Variants in TMEM126B observed in about 807,000 individuals in gnomAD.
The protein encoded by TMEM126B is complex I assembly factor TMEM126B, mitochondrial.
In TMEM126B, 19 loss-of-function variants were observed where a neutral mutation model predicts 16.5. That is an observed-to-expected ratio of 1.15 (90% CI 0.80 to 1.69). The LOEUF (loss-of-function observed/expected upper bound fraction) is 1.69. Among genes scored for constraint, TMEM126B ranks in the 40% most tolerant of loss-of-function variants. The pLI is 0.00. For missense variants in TMEM126B, 293 were observed against 278.7 expected (o/e 1.05, Z -0.37); for synonymous variants, 104 against 93.2 (o/e 1.12, Z -0.67).
chr11:85,633,381 G>C (rs1346204525), intron 2 of TMEM126B, among the ~76,000 whole-genome samples: 1 of 152,194 alleles, frequency 6.6e-6, no homozygotes, highest in Non-Finnish European at 1.5e-5. Context: ...TCGTGACACT[G>C]ACTTCCACAA....
chr11:85,633,138 T>A (rs1273836168), intron 2 of TMEM126B, among the ~76,000 whole-genome samples: 1 of 152,232 alleles, frequency 6.6e-6, no homozygotes, highest in East Asian at 1.9e-4. Context: ...GAACTCATCA[T>A]TTTTTATGGC....
intron 4 of TMEM126B, 118 bp downstream of exon 4, chr11:85,635,896 T>G: frequency 2.8e-6 from 3 of 1,059,980 alleles, no homozygotes; most frequent in Non-Finnish European, 4.0e-6. Flanking sequence ...AATCAAAATG[T>G]GGTAGTTTGG....
chr11:85,633,019 T>A (rs2082332192), intron 2 of TMEM126B, among the ~76,000 whole-genome samples: 1 of 152,204 alleles, frequency 6.6e-6, no homozygotes, highest in Non-Finnish European at 1.5e-5. Context: ...GTTCTCATTG[T>A]TCATTTCCCA....
intron 1 of TMEM126B, chr11:85,629,272 A>T (rs1179564129): frequency 1.6e-6 from 2 of 1,280,908 alleles, no homozygotes; most frequent in Admixed American, 2.3e-5. Context: ...GGTGAAATTT[A>T]TTATTAGGTG....
At chr11:85,635,571 G>A (rs1405868891) in intron 3 of TMEM126B, 96 bp from the exon 4 acceptor site, 6 of 757,064 alleles carry the variant, frequency 7.9e-6, no homozygotes, top group African/African-American at 1.8e-5. Flanking sequence ...TTTAGTTGTG[G>A]TTGAGGATAG....
chr11:85,631,406 C>CAA (rs915918759), intron 1 of TMEM126B: 2 of 987,890 alleles, frequency 2.0e-6, no homozygotes, highest in Non-Finnish European at 2.6e-6. Context: ...ATTATACTAC[C>CAA]AATTTCTCAA....
At position 85,628,636 on chromosome 11, in the gene TMEM126B, C is replaced by T. The variant is rs1033838730; in HGVS notation, c.29C>T (p.Thr10Ile). The change falls in exon 1 of 5, where the codon ACT becomes ATT. Residue 10 changes from threonine to isoleucine, a missense_variant. Coordinates refer to ENST00000358867, the MANE Select transcript of TMEM126B (RefSeq NM_018480.7). MVVFGYEAGTKPRDSGVVPV... is the reference protein window; with the variant it reads MVVFGYEAGIKPRDSGVVPV... The stretch of plus-strand genomic sequence containing the variant: ...GTGGTGTTCGGGTATGAGGCTGGGA[C>T]TAAGCCAAGGGATTCAGGTGTGGTG... 2.6e-6 allele frequency: 4 copies of T among 1,536,166 alleles called. No individual in the cohort carries two copies. Among genetic ancestry groups the T allele is most frequent in the African/African-American group, 1.4e-5 (1 of 73,182 alleles).
chr11:85,630,624 T>G (rs759337460), intron 1 of TMEM126B, among the ~76,000 whole-genome samples: 2 of 152,206 alleles, frequency 1.3e-5, no homozygotes, highest in African/African-American at 2.4e-5. Context: ...TTTGTTTTTT[T>G]GTTGTTGTTG....
At chr11:85,631,298 G>A in intron 1 of TMEM126B, 2 of 1,255,038 alleles carry the variant, frequency 1.6e-6, no homozygotes, top group Non-Finnish European at 2.1e-6. Flanking sequence ...GAGGAGAGAG[G>A]AAAACAGCAA....
intron 1 of TMEM126B, chr11:85,631,253 G>T: frequency 1.6e-6 from 2 of 1,286,544 alleles, no homozygotes; most frequent in Non-Finnish European, 2.0e-6. Context: ...GAGCTAGGAG[G>T]ACAACTACAA....
chr11:85,636,215 A>T lies in TMEM126B; in HGVS notation c.679A>T (p.Ile227Leu), dbSNP rs1565794812. 5.2e-6 allele frequency: 8 copies of T among 1,531,446 alleles called. No individual in the cohort carries two copies. Among genetic ancestry groups the T allele is most frequent in the African/African-American group, 1.4e-5 (1 of 71,864 alleles). The allele number at this position is 1,531,446 out of a possible 1,614,324, so 94.9% of individuals were successfully genotyped here. A position where few individuals can be genotyped will look rare whatever the true frequency, so the allele number is the denominator to read the frequency against. ...AVFEETLEKT[I>L]HEE The stretch of plus-strand genomic sequence containing the variant: ...ATTTGAAGAGACACTTGAGAAAACT[A>T]TACATGAAGAGTAACCAAAAAAATG... The change falls in exon 5 of 5, where the codon ATA (isoleucine) becomes TTA (leucine). Residue 227 changes from isoleucine (I) to leucine (L), a missense_variant. Coordinates refer to ENST00000358867, the MANE Select transcript of TMEM126B (RefSeq NM_018480.7).
At chr11:85,635,994 T>G (rs1344222349) in intron 4 of TMEM126B, 52 bp from the exon 5 acceptor site, 8 of 1,516,298 alleles carry the variant, frequency 5.3e-6, no homozygotes, top group Non-Finnish European at 6.2e-6. Context: ...GTCAACAAAC[T>G]TCTAATAGCA....
At chr11:85,630,160 A>C (rs1747180136) in intron 1 of TMEM126B, among the ~76,000 whole-genome samples, 1 of 152,248 alleles carries the variant, frequency 6.6e-6, no homozygotes, top group Non-Finnish European at 1.5e-5. Flanking sequence ...TAAAATGCAG[A>C]TTCTAGGCCT....
intron 1 of TMEM126B, chr11:85,631,204 T>C: frequency 2.3e-6 from 3 of 1,290,232 alleles, no homozygotes; most frequent in South Asian, 1.2e-5. Flanking sequence ...AGGATAGAGA[T>C]GTCAATAAGC....
intron 1 of TMEM126B, chr11:85,629,180 TG>T: frequency 7.9e-7 from 1 of 1,272,984 alleles, no homozygotes; most frequent in Non-Finnish European, 1.0e-6. Flanking sequence ...GAGGATGGGA[TG>T]ACTGTATCTT....
At chr11:85,635,821 C>CTTTTTTTTTTTTTTTTTTT in intron 4 of TMEM126B, 43 bp downstream of exon 4, 4 of 867,430 alleles carry the variant, frequency 4.6e-6, no homozygotes, top group Non-Finnish European at 6.4e-6. Flanking sequence ...CTTTTCTTTT[C>CTTTTTTTTTTTTTTTTTTT]TTTTTTTTTT....
intron 1 of TMEM126B, among the ~76,000 whole-genome samples, chr11:85,629,954 A>AT (rs559171168): frequency 1.2e-4 from 18 of 152,216 alleles, no homozygotes; most frequent in Non-Finnish European, 1.9e-4. Context: ...AAACTGGTCC[A>AT]TTATTACTCA....
chr11:85,634,157 T>C lies in TMEM126B; in HGVS notation c.275T>C (p.Leu92Pro), dbSNP rs763680299. ...AGFSGIFSNF[L>P]FRRCFKVKHD... ...TTCTCTGGAATATTCTCAAACTTCC[T>C]GTTCAGACGCTGCTTCAAGGTTAAA... Residue 92 changes from leucine (L) to proline (P), a missense_variant, in exon 3 of 5, where the codon CTG (leucine) becomes CCG (proline). By Grantham distance (98) the Leu-to-Pro change is moderately conservative. Coordinates refer to ENST00000358867, the MANE Select transcript of TMEM126B (RefSeq NM_018480.7). 2.5e-6 allele frequency: 4 copies of C among 1,613,858 alleles called. No individual in the cohort carries two copies. The highest frequency in any genetic ancestry group is 2.5e-6 in the Non-Finnish European group (3 of 1,179,884).
chr11:85,631,858 T>C (rs768792953), intron 2 of TMEM126B, 50 bp downstream of exon 2: 33 of 1,549,966 alleles, frequency 2.1e-5, no homozygotes, highest in Non-Finnish European at 2.8e-5. Context: ...TGCAAGTCTT[T>C]TGTATTGCCA....
Sources: allele counts gnomAD v4.1 joint callset (sites outside exome capture counted in the v4.1 genomes callset), GRCh38; gene constraint gnomAD v4.1.1; transcripts MANE v1.5; gene names NCBI Gene and HGNC (gene_info 2026-07-23, HGNC 2026-07-21).